The following GLCE variants were observed in gnomAD, a reference collection of about 807,000 sequenced individuals.
GLCE encodes glucuronic acid epimerase.
GLCE carries 19 observed loss-of-function variants against 47.9 expected under a neutral mutation model. The ratio of observed to expected loss-of-function variants is 0.40; its 90% CI spans 0.28 to 0.58. The LOEUF (loss-of-function observed/expected upper bound fraction) is 0.58. Among genes scored for constraint, GLCE ranks in the 20% least tolerant of loss-of-function variants. GLCE has a pLI of 0.48. For synonymous variants in GLCE, 245 were observed against 263.4 expected (o/e 0.93, Z 0.68); for missense variants, 556 against 743.3 (o/e 0.75, Z 2.93).
chr15:69,163,701 G>A (rs1376920955), intron 1 of GLCE, among the ~76,000 whole-genome samples: 3 of 152,010 alleles, frequency 2.0e-5, no homozygotes, highest in Admixed American at 6.6e-5. Context: ...AGAAGAGAGC[G>A]GTTTAATTTT....
chr15:69,161,652 A>G (rs557479058), intron 1 of GLCE, among the ~76,000 whole-genome samples: 14 of 152,092 alleles, frequency 9.2e-5, no homozygotes, highest in Non-Finnish European at 1.0e-4. Context: ...TTCTCTCTGG[A>G]TGAGATTTAC....
chr15:69,253,445 A>G (rs2052877645), intron 2 of GLCE, among the ~76,000 whole-genome samples: 3 of 152,236 alleles, frequency 2.0e-5, no homozygotes, highest in Admixed American at 2.0e-4. Flanking sequence ...ATAACACAGG[A>G]AATCTATGTT....
chr15:69,222,601 T>TC (rs1483856261), intron 2 of GLCE, among the ~76,000 whole-genome samples: 1 of 152,136 alleles, frequency 6.6e-6, no homozygotes, highest in African/African-American at 2.4e-5. Context: ...CCCAGTTTCC[T>TC]CCCCCTTCAG....
chr15:69,163,873 T>C (rs1387050839), intron 1 of GLCE, among the ~76,000 whole-genome samples: 1 of 152,160 alleles, frequency 6.6e-6, no homozygotes, highest in Admixed American at 6.5e-5. Flanking sequence ...CCGTGTATAC[T>C]AATGAAGGAA....
At chr15:69,260,225 A>G (rs1283094153) in intron 3 of GLCE, among the ~76,000 whole-genome samples, 10 of 142,626 alleles carry the variant, frequency 7.0e-5, no homozygotes, top group African/African-American at 1.8e-4. Context: ...AGCTGTGTTT[A>G]TATTTTAAAT....
chr15:69,256,858 A>G (rs995642984), intron 3 of GLCE, among the ~76,000 whole-genome samples: 1 of 152,188 alleles, frequency 6.6e-6, no homozygotes, highest in East Asian at 1.9e-4. Flanking sequence ...CTGGACTTAT[A>G]CTGAACTCCT....
chr15:69,260,324 A>G (rs1468145444), intron 3 of GLCE, among the ~76,000 whole-genome samples: 1 of 129,994 alleles, frequency 7.7e-6, no homozygotes, highest in Non-Finnish European at 1.5e-5. Flanking sequence ...CAGTGGCGCC[A>G]TCTCGGCTCA....
intron 1 of GLCE, among the ~76,000 whole-genome samples, chr15:69,206,166 A>G (rs1425960787): frequency 6.6e-6 from 1 of 152,028 alleles, no homozygotes; most frequent in African/African-American, 2.4e-5. Context: ...TCTGAGTACT[A>G]GTACCAGTCA....
intron 1 of GLCE, among the ~76,000 whole-genome samples, chr15:69,207,550 G>C (rs778862068): frequency 6.6e-6 from 1 of 151,868 alleles, no homozygotes; most frequent in Non-Finnish European, 1.5e-5. Context: ...ATACATTTAA[G>C]GTTTATTCAT....
intron 1 of GLCE, among the ~76,000 whole-genome samples, chr15:69,161,637 T>C (rs915973156): frequency 6.6e-5 from 10 of 152,130 alleles, no homozygotes; most frequent in African/African-American, 2.4e-4. Flanking sequence ...TTTGTTCAGG[T>C]CTCCTTCTCT....
At chr15:69,232,224 C>G (rs2052535206) in intron 2 of GLCE, among the ~76,000 whole-genome samples, 1 of 152,160 alleles carries the variant, frequency 6.6e-6, no homozygotes, top group African/African-American at 2.4e-5. Context: ...GGTATGTTAA[C>G]GAGTGAATCT....
intron 2 of GLCE, among the ~76,000 whole-genome samples, chr15:69,236,669 T>G (rs573353975): frequency 6.6e-6 from 1 of 152,184 alleles, no homozygotes; most frequent in African/African-American, 2.4e-5. Flanking sequence ...CTTGAGTATA[T>G]ACACGTATCT....
At chr15:69,223,988 T>C (rs1191657257) in intron 2 of GLCE, among the ~76,000 whole-genome samples, 1 of 152,214 alleles carries the variant, frequency 6.6e-6, no homozygotes, top group East Asian at 1.9e-4. Flanking sequence ...TGCACCTTCC[T>C]TTAGTTCTTT....
chr15:69,254,459 G>T (rs2052893030), intron 2 of GLCE, among the ~76,000 whole-genome samples: 1 of 152,178 alleles, frequency 6.6e-6, no homozygotes, highest in African/African-American at 2.4e-5. Context: ...ATAGACTTGA[G>T]GGTGGAGTAG....
At chr15:69,179,828 A>G (rs1048486107) in intron 1 of GLCE, among the ~76,000 whole-genome samples, 22 of 152,200 alleles carry the variant, frequency 1.4e-4, no homozygotes, top group African/African-American at 4.8e-4. Flanking sequence ...CTCTACTAAA[A>G]ATACAAAAAT....
chr15:69,226,524 C>T (rs2052449640), intron 2 of GLCE, among the ~76,000 whole-genome samples: 1 of 152,054 alleles, frequency 6.6e-6, no homozygotes. Context: ...TATTGCAAAA[C>T]AGCATAGGAA....
Position 69,232,556 on chromosome 15 carries a change from A to G in GLCE, c.-14+22150A>G, listed in dbSNP as rs558711239. Among the ~76,000 whole-genome samples, 9 of 152,278 alleles carry G rather than the reference A, an allele frequency of 5.9e-5. No homozygotes were observed. The South Asian group carries it at 1.9e-3, about 32-fold the overall frequency. On this transcript the variant is annotated intron_variant, in intron 2 of 4. Transcript: ENST00000261858. The stretch of plus-strand genomic sequence containing the variant: ...GATTGAGTTATGCCTTTATTTTGCC[A>G]GTTGTCTAAAATATTTCAAGTACTT...
intron 4 of GLCE, among the ~76,000 whole-genome samples, chr15:69,266,401 A>C (rs2053087010): frequency 6.6e-6 from 1 of 151,826 alleles, no homozygotes; most frequent in Non-Finnish European, 1.5e-5. Context: ...ATCATAGCTT[A>C]CTTCAGCCTT....
intron 2 of GLCE, among the ~76,000 whole-genome samples, chr15:69,233,688 G>A (rs2052555453): frequency 8.5e-6 from 1 of 117,156 alleles, no homozygotes; most frequent in South Asian, 2.6e-4. Flanking sequence ...TATAACCCAG[G>A]TACCCTATTA....
Sources: gnomAD v4.1 joint callset for allele counts (sites outside exome capture counted in the v4.1 genomes callset) on GRCh38, gnomAD v4.1.1 for gene constraint, MANE v1.5 for transcripts, NCBI Gene and HGNC (gene_info 2026-07-23, HGNC 2026-07-21) for gene names.